The following ENKUR variants were observed in gnomAD, a reference collection of about 807,000 sequenced individuals.
ENKUR encodes the protein enkurin, TRPC channel interacting protein.
ENKUR carries 19 observed loss-of-function variants against 27.6 expected under a neutral mutation model. The observed-to-expected ratio is 0.69, with a 90% confidence interval of 0.48 to 1.01. ENKUR has a LOEUF of 1.01. ENKUR is among the 50% of genes least tolerant of loss of function. The probability of loss-of-function intolerance (pLI) is 0.00; values close to 1 mark genes in which losing one functional copy is unlikely to be tolerated. For synonymous variants in ENKUR, 117 were observed against 96.9 expected (o/e 1.21, Z -1.22); for missense variants, 312 against 310.5 (o/e 1.00, Z -0.04).
chr10:25,048,280 C>G lies in ENKUR; in HGVS notation c.37+12832G>C, dbSNP rs549179218. On this transcript the variant is annotated intron_variant, in intron 2 of 5. Transcript: ENST00000615958. ...TTGATAAGTGGGAAAACAAGAAAACCTAGGGTAAAAATGTTAGCCTTGGGT... is the reference window on the plus strand; with the variant it reads ...TTGATAAGTGGGAAAACAAGAAAACGTAGGGTAAAAATGTTAGCCTTGGGT... Among the ~76,000 whole-genome samples, 10 of 152,022 alleles carry G rather than the reference C, an allele frequency of 6.6e-5. 1 individual carries two copies. The East Asian group carries it at 1.9e-3, about 30-fold the overall frequency.
upstream of ENKUR, among the ~76,000 whole-genome samples, chr10:25,017,678 A>C (rs2132738925): frequency 6.6e-6 from 1 of 152,004 alleles, no homozygotes; most frequent in South Asian, 2.1e-4. Context: ...GCTTAGGGAA[A>C]ATTCTCCAGA....
At chr10:25,011,787 C>T (rs762461269) in intron 1 of ENKUR, among the ~76,000 whole-genome samples, 57 of 152,132 alleles carry the variant, frequency 3.7e-4, no homozygotes, top group African/African-American at 8.2e-4. Context: ...ATTTGCAGCC[C>T]GATGATGCAA....
intron 2 of ENKUR, among the ~76,000 whole-genome samples, chr10:25,049,096 T>C (rs963230035): frequency 6.6e-6 from 1 of 152,192 alleles, no homozygotes; most frequent in Admixed American, 6.5e-5. Flanking sequence ...CAGCATGTTA[T>C]TGAACCTCTT....
chr10:25,014,844 C>G (rs1850529205), intron 1 of ENKUR, among the ~76,000 whole-genome samples: 1 of 152,274 alleles, frequency 6.6e-6, no homozygotes, highest in African/African-American at 2.4e-5. Flanking sequence ...GAAGAAGCTG[C>G]CTACTTGTTG....
chr10:25,044,051 G>T (rs1851094354), intron 2 of ENKUR, among the ~76,000 whole-genome samples: 1 of 151,794 alleles, frequency 6.6e-6, no homozygotes. Context: ...TCAATGTCTG[G>T]ATCATCTGTA....
chr10:24,983,982 G>T lies in ENKUR; in HGVS notation c.*388C>A, dbSNP rs1414835605. 5.8e-6 allele frequency: 1 copy of T among 171,526 alleles called. No individual in the cohort carries two copies. Among genetic ancestry groups the T allele is most frequent in the Non-Finnish European group, 1.2e-5 (1 of 81,272 alleles). 10.6% of individuals were successfully genotyped at this position (171,526 alleles called of 1,614,324 possible). A position where few individuals can be genotyped will look rare whatever the true frequency, so the allele number is the denominator to read the frequency against. On this transcript the variant is annotated 3_prime_UTR_variant, in exon 6 of 6. Transcript: ENST00000331161. Reference sequence around the variant, plus strand: ...ATTCACAAAATAGATAAGTAGAAAGGACCAAAAGGAAAAAAACATTTAAAT... The same window carrying T: ...ATTCACAAAATAGATAAGTAGAAAGTACCAAAAGGAAAAAAACATTTAAAT...
chr10:25,018,574 T>C (rs1360637058), upstream of ENKUR, among the ~76,000 whole-genome samples: 2 of 152,130 alleles, frequency 1.3e-5, no homozygotes, highest in African/African-American at 4.8e-5. Context: ...GTGGGCCAGA[T>C]TTAGCCTGTG....
At chr10:24,998,321 C>T (rs912424652) in intron 2 of ENKUR, among the ~76,000 whole-genome samples, 1 of 149,104 alleles carries the variant, frequency 6.7e-6, no homozygotes, top group Non-Finnish European at 1.5e-5. Flanking sequence ...CTCCCCTCCC[C>T]TCCCCTCCCT....
At chr10:24,997,823 A>G (rs1850099229) in intron 2 of ENKUR, among the ~76,000 whole-genome samples, 1 of 151,586 alleles carries the variant, frequency 6.6e-6, no homozygotes, top group African/African-American at 2.4e-5. Context: ...ATATATATAT[A>G]TATGTTTGTG....
chr10:25,053,817 AT>A (rs1335706701), intron 2 of ENKUR, among the ~76,000 whole-genome samples: 1 of 152,136 alleles, frequency 6.6e-6, no homozygotes, highest in Non-Finnish European at 1.5e-5. Context: ...ATGATAAAAT[AT>A]TTAAGACACA....
intron 3 of ENKUR, among the ~76,000 whole-genome samples, 173 bp downstream of exon 3, chr10:24,995,473 T>A (rs974443129): frequency 6.6e-6 from 1 of 152,244 alleles, no homozygotes; most frequent in African/African-American, 2.4e-5. Context: ...GGGTTCTTTG[T>A]AACTTCATCC....
chr10:25,033,868 A>T (rs201479012), intron 2 of ENKUR, among the ~76,000 whole-genome samples: 21 of 135,428 alleles, frequency 1.6e-4, no homozygotes, highest in East Asian at 6.3e-4. Context: ...TCTATCTATC[A>T]ATCATCTATT....
chr10:25,023,763 A>T lies in ENKUR; in HGVS notation c.38-27894T>A, dbSNP rs745831233. 30 of 1,613,902 alleles carry T rather than the reference A, an allele frequency of 1.9e-5. No homozygotes were observed. The South Asian group carries it at 2.6e-4, about 14-fold the overall frequency. ...GGATTGTAGGTCAGAATTCTGGAAC[A>T]TCTATGAAAGACTTACTTAAATTTA... On this transcript the variant is annotated intron_variant, in intron 2 of 5. Coordinates refer to the ENKUR transcript ENST00000615958.
In ENKUR at chr10:24,983,493, T is replaced by C. The variant is rs1849714949; in HGVS notation, c.*877A>G. 6.6e-6 allele frequency: 1 copy of C among 152,196 alleles called. No individual in the cohort carries two copies. The highest frequency in any genetic ancestry group is 2.4e-5 in the African/African-American group (1 of 41,442). 9.4% of individuals were successfully genotyped at this position (152,196 alleles called of 1,614,324 possible). A position where few individuals can be genotyped will look rare whatever the true frequency, so the allele number is the denominator to read the frequency against. ...GTCACAGCTGTTAGCCTACCCTAAA[T>C]AGCAACCAACCATTCTTGGTAAGTG... On this transcript the variant is annotated 3_prime_UTR_variant, in exon 6 of 6. Transcript: ENST00000331161.
At chr10:25,045,284 T>C (rs1315482888) in intron 2 of ENKUR, among the ~76,000 whole-genome samples, 1 of 152,232 alleles carries the variant, frequency 6.6e-6, no homozygotes, top group Non-Finnish European at 1.5e-5. Flanking sequence ...CCAGTTAATT[T>C]CTTCCAGTGT....
chr10:25,060,744 G>A (rs1481453378), intron 2 of ENKUR, among the ~76,000 whole-genome samples: 2 of 152,162 alleles, frequency 1.3e-5, no homozygotes, highest in Non-Finnish European at 2.9e-5. Context: ...GTCTTACTCT[G>A]TTGCCCAGGC....
chr10:25,042,868 T>C (rs920619771), intron 2 of ENKUR, among the ~76,000 whole-genome samples: 3 of 151,698 alleles, frequency 2.0e-5, no homozygotes, highest in Non-Finnish European at 4.4e-5. Context: ...AATTAAAAAT[T>C]AAAAGGTGGA....
In ENKUR at chr10:24,984,179, C is replaced by T; in HGVS notation, c.*191G>A. The stretch of plus-strand genomic sequence containing the variant: ...CCAAATAGAAGCCTTTCATCATATA[C>T]AGTGTTACGAATACTGAAAATATTT... On this transcript the variant is annotated 3_prime_UTR_variant, in exon 6 of 6. Coordinates refer to ENST00000331161, the MANE Select transcript of ENKUR (RefSeq NM_145010.4). 1.9e-6 allele frequency: 1 copy of T among 520,014 alleles called. No individual in the cohort carries two copies. The highest frequency in any genetic ancestry group is 5.5e-5 in the South Asian group (1 of 18,346). 32.2% of individuals were successfully genotyped at this position (520,014 alleles called of 1,614,324 possible). A position where few individuals can be genotyped will look rare whatever the true frequency, so the allele number is the denominator to read the frequency against.
chr10:25,052,799 C>T (rs114513962), intron 2 of ENKUR, among the ~76,000 whole-genome samples: 3,541 of 151,378 alleles, frequency 0.023, 158 homozygotes, highest in African/African-American at 0.082. Context: ...TTTTTTGAGA[C>T]GGAATTTCAT....
Sources: allele counts gnomAD v4.1 joint callset (sites outside exome capture counted in the v4.1 genomes callset), GRCh38; gene constraint gnomAD v4.1.1; transcripts MANE v1.5; gene names NCBI Gene and HGNC (gene_info 2026-07-23, HGNC 2026-07-21).